Variants in DPYSL5 observed in about 807,000 individuals in gnomAD.
DPYSL5 encodes dihydropyrimidinase like 5.
DPYSL5 carries 9 observed loss-of-function variants against 58.4 expected under a neutral mutation model. The observed-to-expected ratio is 0.15, with a 90% CI of 0.09 to 0.27. The LOEUF is 0.27. DPYSL5 is among the 10% of genes least tolerant of loss of function. The pLI, the probability that DPYSL5 is intolerant of heterozygous loss-of-function variation, is 1.00. For synonymous variants in DPYSL5, 293 were observed against 301.9 expected, an observed-to-expected ratio of 0.97 and a Z score of 0.31; for missense variants, 499 against 770.6, an observed-to-expected ratio of 0.65 and a Z score of 4.17.
intron 1 of DPYSL5, among the ~76,000 whole-genome samples, chr2:26,883,320 G>A (rs919606180): frequency 2.0e-5 from 3 of 151,946 alleles, no homozygotes; most frequent in East Asian, 1.9e-4. Context: ...AGATGCCTAC[G>A]TACTATAATT....
rs1177665008 is a variant in DPYSL5 at position 26,933,171 on chromosome 2, GC to G, written c.715-85del. On this transcript the variant is annotated intron_variant, in intron 6 of 12. Transcript: ENST00000288699. The surrounding 1 kb of genome is among the most constrained non-coding windows in gnomAD (Gnocchi z 4.2). ...GAGTGACGCAGGGGGAGGCGCTGGT[GC>G]CAGGGCTGACTTTGCCAGGGTTATT... 14 of 1,240,630 alleles carry G rather than the reference GC, an allele frequency of 1.1e-5. No individual in the cohort carries two copies. Among genetic ancestry groups the G allele is most frequent in the Non-Finnish European group, 1.7e-5 (14 of 841,080 alleles). 76.9% of individuals were successfully genotyped at this position (1,240,630 alleles called of 1,614,324 possible).
intron 1 of DPYSL5, among the ~76,000 whole-genome samples, chr2:26,855,386 G>A (rs910913312): frequency 7.9e-5 from 12 of 151,862 alleles, no homozygotes; most frequent in African/African-American, 1.9e-4. Flanking sequence ...CCCAGATCGC[G>A]GCACTGCACT....
chr2:26,935,626 T>C (rs1665152258), intron 8 of DPYSL5, among the ~76,000 whole-genome samples: 1 of 148,362 alleles, frequency 6.7e-6, no homozygotes, highest in Non-Finnish European at 1.5e-5. Flanking sequence ...GAGGCAGAGG[T>C]TGCAGTGAGC....
chr2:26,899,442 A>G (rs576367600), intron 2 of DPYSL5, among the ~76,000 whole-genome samples: 1 of 152,208 alleles, frequency 6.6e-6, no homozygotes, highest in East Asian at 1.9e-4. Context: ...CACCTCTGTC[A>G]TTGCTGTCAT....
intron 2 of DPYSL5, among the ~76,000 whole-genome samples, chr2:26,907,821 T>A (rs991542117): frequency 6.6e-6 from 1 of 152,236 alleles, no homozygotes; most frequent in Admixed American, 6.5e-5. Context: ...CCATGTTAAG[T>A]TTGTTTCTCA....
At position 26,924,639 on chromosome 2, in the gene DPYSL5, G is replaced by A. The variant is rs556724642; in HGVS notation, c.262-248G>A. On this transcript the variant is annotated intron_variant, in intron 2 of 12. Transcript: ENST00000288699. This position sits in a 1 kb window ranked among gnomAD's most constrained non-coding sequence, Gnocchi z 4.7. ...TGACCCACGATGTGGTTTTTCCAGCGCGCCAAGCTGAAACCCTGGCGGAGG... is the reference window on the plus strand; with the variant it reads ...TGACCCACGATGTGGTTTTTCCAGCACGCCAAGCTGAAACCCTGGCGGAGG... Among the ~76,000 whole-genome samples, 24 of 152,250 alleles carry A rather than the reference G, an allele frequency of 1.6e-4. No individual in the cohort carries two copies. The highest frequency in any genetic ancestry group is 5.1e-4 in the African/African-American group (21 of 41,566).
intron 1 of DPYSL5, among the ~76,000 whole-genome samples, chr2:26,867,202 A>G (rs150929253): frequency 6.6e-6 from 1 of 152,294 alleles, no homozygotes; most frequent in African/African-American, 2.4e-5. Flanking sequence ...GTTCATCTTA[A>G]CTAAATGGGA....
At position 26,933,226 on chromosome 2, in the gene DPYSL5, C is replaced by T. The variant is rs1402971589; in HGVS notation, c.715-32C>T. On this transcript the variant is annotated intron_variant, in intron 6 of 12. Transcript: ENST00000288699. This position sits in a 1 kb window ranked among gnomAD's most constrained non-coding sequence, Gnocchi z 4.2. Reference sequence around the variant, plus strand: ...ATGCTTGTGAAGTTTATGGGTCAACCCTCCCTACTTCCCACTGTTTCTTGT... The same window carrying T: ...ATGCTTGTGAAGTTTATGGGTCAACTCTCCCTACTTCCCACTGTTTCTTGT... The T allele has an allele frequency of 3.1e-6, 5 of 1,605,742 alleles. No homozygotes were observed. Among genetic ancestry groups the T allele is most frequent in the Non-Finnish European group, 4.3e-6 (5 of 1,172,364 alleles).
At chr2:26,946,482 G>A (rs1042323796) in intron 12 of DPYSL5, among the ~76,000 whole-genome samples, 2 of 151,648 alleles carry the variant, frequency 1.3e-5, no homozygotes, top group African/African-American at 4.9e-5. Flanking sequence ...ATTTCAAGAT[G>A]CGGGGCCTTT....
chr2:26,931,876 C>T (rs113984833), intron 6 of DPYSL5, among the ~76,000 whole-genome samples, 192 bp downstream of exon 6: 3,405 of 150,928 alleles, frequency 0.023, 96 homozygotes, highest in African/African-American at 0.072. Context: ...GGCGTGGTGG[C>T]GTGCACCTGT....
chr2:26,913,476 T>C (rs1664490651), intron 2 of DPYSL5, among the ~76,000 whole-genome samples: 1 of 152,234 alleles, frequency 6.6e-6, no homozygotes, highest in African/African-American at 2.4e-5. Flanking sequence ...TACTCCATTG[T>C]ATGTAGATAA....
At chr2:26,894,634 T>C (rs1174983574) in intron 1 of DPYSL5, among the ~76,000 whole-genome samples, 1 of 152,200 alleles carries the variant, frequency 6.6e-6, no homozygotes, top group Non-Finnish European at 1.5e-5. Context: ...CTTGATCTCT[T>C]AGACCTTTAA....
Position 26,925,106 on chromosome 2 carries a change from G to T in DPYSL5, c.420+61G>T. 1 of 1,581,342 alleles carries T rather than the reference G, an allele frequency of 6.3e-7. No homozygotes were observed. The highest frequency in any genetic ancestry group is 8.6e-7 in the Non-Finnish European group (1 of 1,161,388). On this transcript the variant is annotated intron_variant, in intron 3 of 12. Coordinates refer to ENST00000288699, the MANE Select transcript of DPYSL5 (RefSeq NM_020134.4). The surrounding 1 kb of genome is among the most constrained non-coding windows in gnomAD (Gnocchi z 4.5). ...AGTGGTCTTGTAGGCAGAGGGGCTGGTTGGGGTGCAGTGCCTCCTGCTTGT... is the reference window on the plus strand; with the variant it reads ...AGTGGTCTTGTAGGCAGAGGGGCTGTTTGGGGTGCAGTGCCTCCTGCTTGT...
In DPYSL5 at chr2:26,881,265, C is replaced by T. The variant is rs555936827; in HGVS notation, c.-4-17231C>T. Among the ~76,000 whole-genome samples the T allele has an allele frequency of 7.9e-5, 12 of 152,246 alleles. No homozygotes were observed. In the South Asian group the frequency reaches 1.7e-3, roughly 21 times the overall value. On this transcript the variant is annotated intron_variant, in intron 1 of 12. Coordinates refer to ENST00000288699, the MANE Select transcript of DPYSL5 (RefSeq NM_020134.4). ...AAAACAGGGCCCTGAAATCCAGATG[C>T]GATCAGCCTAGTGGTATCACTGCCC...
rs1376282711 is a variant in DPYSL5, at chr2:26,898,427, A to G, written c.-4-69A>G. The G allele has an allele frequency of 1.9e-6, 3 of 1,570,090 alleles. No homozygotes were observed. The highest frequency in any genetic ancestry group is 2.6e-6 in the Non-Finnish European group (3 of 1,154,290). On this transcript the variant is annotated intron_variant, in intron 1 of 12. Coordinates refer to ENST00000288699, the MANE Select transcript of DPYSL5 (RefSeq NM_020134.4). The surrounding 1 kb of genome is among the most constrained non-coding windows in gnomAD (Gnocchi z 6.1). ...CCCTGACCATGGAATTTGGGCTTTG[A>G]TAGGAGGGATGGGAAACTGGAAACA...
intron 1 of DPYSL5, among the ~76,000 whole-genome samples, chr2:26,851,821 T>C (rs1427060530): frequency 6.6e-5 from 10 of 152,108 alleles, no homozygotes; most frequent in Admixed American, 2.6e-4. Flanking sequence ...GGCGCACACC[T>C]GTAGTCCCAG....
chr2:26,885,509 G>T (rs563629370), intron 1 of DPYSL5, among the ~76,000 whole-genome samples: 1 of 152,234 alleles, frequency 6.6e-6, no homozygotes, highest in South Asian at 2.1e-4. Context: ...CCCCAAAATG[G>T]CACCTGCCAT....
chr2:26,904,943 A>G (rs541851474), intron 2 of DPYSL5, among the ~76,000 whole-genome samples: 130 of 152,298 alleles, frequency 8.5e-4, no homozygotes, highest in Non-Finnish European at 1.6e-3. Context: ...TTGCATGAGT[A>G]GCCCACATCC....
In DPYSL5 at chr2:26,933,074, G is replaced by A. The variant is rs1453895879; in HGVS notation, c.715-184G>A. Among the ~76,000 whole-genome samples the A allele has an allele frequency of 6.6e-6, 1 of 152,218 alleles. No individual in the cohort carries two copies. The highest frequency in any genetic ancestry group is 1.5e-5 in the Non-Finnish European group (1 of 68,030). On this transcript the variant is annotated intron_variant, in intron 6 of 12. Transcript: ENST00000288699. This position sits in a 1 kb window ranked among gnomAD's most constrained non-coding sequence, Gnocchi z 4.2. ...GTTCTCTGCCTCCCCGTATCATGCA[G>A]TTCCTGCAACCTTGCCCTGACTGCC...
Sources: gnomAD v4.1 joint callset for allele counts (sites outside exome capture counted in the v4.1 genomes callset) on GRCh38, gnomAD v4.1.1 for gene constraint, Gnocchi (gnomAD v3.1) non-coding constraint, MANE v1.5 for transcripts, NCBI Gene and HGNC (gene_info 2026-07-23, HGNC 2026-07-21) for gene names.